The following SEC16B variants were observed in gnomAD, a reference collection of about 807,000 sequenced individuals.
SEC16B encodes protein transport protein Sec16B.
In SEC16B, 115 loss-of-function variants were observed where a neutral mutation model predicts 141.8. That is an observed-to-expected ratio of 0.81 (90% CI 0.70 to 0.95). SEC16B has a LOEUF of 0.95. Among genes scored for constraint, SEC16B ranks in the 40% least tolerant of loss-of-function variants. The pLI is 0.00. For missense variants in SEC16B, 1,291 were observed against 1,312.3 expected (o/e 0.98, Z 0.25); for synonymous variants, 493 against 492.5 (o/e 1.00, Z -0.01).
upstream of SEC16B, chr1:177,973,148 TA>T (rs1256150918): frequency 6.6e-6 from 1 of 152,244 alleles, no homozygotes; most frequent in Non-Finnish European, 1.5e-5. Context: ...ATGATGCTGC[TA>T]ATGTTTAGCC....
At chr1:177,943,091 G>T (rs1426677055) in intron 15 of SEC16B, among the ~76,000 whole-genome samples, 1 of 152,156 alleles carries the variant, frequency 6.6e-6, no homozygotes, top group Non-Finnish European at 1.5e-5. Flanking sequence ...CACAAGAAGA[G>T]TAATGCCACA....
At chr1:177,947,692 C>A (rs79690798) in intron 13 of SEC16B, 133 bp downstream of exon 13, 8 of 423,538 alleles carry the variant, frequency 1.9e-5, no homozygotes, top group African/African-American at 2.6e-5. Flanking sequence ...CTGACCTGGA[C>A]GGGGAGGGGA....
intron 17 of SEC16B, 147 bp downstream of exon 17, chr1:177,940,463 T>A: frequency 3.4e-6 from 2 of 580,710 alleles, no homozygotes; most frequent in South Asian, 2.2e-5. Flanking sequence ...AGACACCAAC[T>A]GTGCCTCATG....
rs1050528043 is a variant in SEC16B, at chr1:177,958,277, T to C, written c.1220A>G (p.Asn407Ser). 3 of 1,610,570 alleles carry C rather than the reference T, an allele frequency of 1.9e-6. No individual in the cohort carries two copies. The highest frequency in any genetic ancestry group is 2.7e-5 in the African/African-American group (2 of 74,948). ...EKYKRQPPVA[N>S]LINLTDEDWP... ...GTCCTCATCGGTCAGGTTGATGAGG[T>C]TGGCCACAGGGGGCTGCCGCTTGTA... The change falls in exon 10 of 26, where the codon AAC (asparagine) becomes AGC (serine). Residue 407 changes from asparagine (N) to serine (S), a missense_variant. By Grantham distance (46) the Asn-to-Ser change is conservative. Coordinates refer to ENST00000308284, the MANE Select transcript of SEC16B (RefSeq NM_033127.4).
intron 6 of SEC16B, chr1:177,961,241 T>C (rs779387132): frequency 5.0e-5 from 22 of 438,016 alleles, no homozygotes; most frequent in Non-Finnish European, 8.1e-5. Flanking sequence ...GCCTCTATAC[T>C]CATGACAAAG....
In SEC16B at chr1:177,933,252, CG is replaced by C; in HGVS notation, c.2784del (p.Ala929LeufsTer30). On this transcript the variant is annotated frameshift_variant, in exon 22 of 26. Coordinates refer to ENST00000308284, the MANE Select transcript of SEC16B (RefSeq NM_033127.4). LOFTEE classifies it high-confidence loss of function. ...FRSKPTKNAS[P>X]AGDEDSSDSP... is the part of the protein sequence containing the mutation. The stretch of plus-strand genomic sequence containing the variant: ...CTGTCTGAGGAGTCCTCGTCTCCAG[CG>C]GGGGATGCGTTCTTGGTGGGCTTCG... The C allele has an allele frequency of 1.3e-6, 2 of 1,595,832 alleles. No individual in the cohort carries two copies. The highest frequency in any genetic ancestry group is 1.7e-5 in the Admixed American group (1 of 57,542).
chr1:177,944,444 G>A, intron 15 of SEC16B, 117 bp downstream of exon 15: 1 of 751,246 alleles, frequency 1.3e-6, no homozygotes. Context: ...AGCTAATGAG[G>A]AAAAGTTCAG....
intron 5 of SEC16B, 29 bp from the exon 6 acceptor site, chr1:177,961,763 A>G (rs1653082762): frequency 6.2e-7 from 1 of 1,608,052 alleles, no homozygotes; most frequent in Non-Finnish European, 8.5e-7. Context: ...AACACACAGG[A>G]AGAAGTTTCA....
chr1:177,944,843 ACTT>A (rs1387632065), intron 14 of SEC16B, among the ~76,000 whole-genome samples, 177 bp from the exon 15 acceptor site: 2 of 151,702 alleles, frequency 1.3e-5, no homozygotes, highest in Non-Finnish European at 2.9e-5. Context: ...TGAGTGTTTC[ACTT>A]CCTCTCCCTC....
chr1:177,945,888 C>T, intron 14 of SEC16B: 1 of 177,244 alleles, frequency 5.6e-6, no homozygotes, highest in South Asian at 1.5e-4. Context: ...TGATTGAGGG[C>T]CTCCTGCAGG....
upstream of SEC16B, chr1:177,973,083 G>C (rs1654025234): frequency 1.3e-5 from 2 of 152,210 alleles, no homozygotes; most frequent in African/African-American, 4.8e-5. Context: ...AACCCAAACT[G>C]ACTAAGACAC....
At chr1:177,966,058 G>A (rs1653493253) in intron 2 of SEC16B, 53 bp from the exon 3 acceptor site, 2 of 1,120,262 alleles carry the variant, frequency 1.8e-6, no homozygotes, top group Non-Finnish European at 2.6e-6. Flanking sequence ...AGTAAAGAGA[G>A]AAACCAATGA....
In SEC16B at chr1:177,941,971, C is replaced by T. The variant is rs1251613455; in HGVS notation, c.1951G>A (p.Glu651Lys). The stretch of plus-strand genomic sequence containing the variant: ...CTCAAGACAGCTGCACCAATGGCTT[C>T]GCAGTAATGCAAAGCCTGGGACACG... Reference protein sequence around the residue: ...GLVSQALHYCEAIGAAVLSQG... With the variant: ...GLVSQALHYCKAIGAAVLSQG... Residue 651 changes from glutamate (E) to lysine (K), a missense_variant, in exon 16 of 26, where the codon GAA becomes AAA. By Grantham distance (56) the Glu-to-Lys change is moderately conservative. Coordinates refer to ENST00000308284, the MANE Select transcript of SEC16B (RefSeq NM_033127.4). 1.9e-6 allele frequency: 3 copies of T among 1,613,838 alleles called. No homozygotes were observed. Among genetic ancestry groups the T allele is most frequent in the Admixed American group, 1.7e-5 (1 of 60,024 alleles).
chr1:177,939,136 C>G (rs535491868), intron 18 of SEC16B, among the ~76,000 whole-genome samples: 6 of 152,182 alleles, frequency 3.9e-5, no homozygotes, highest in Admixed American at 3.3e-4. Context: ...TGGGAAGAGA[C>G]GGGGGCCCTT....
rs768891638 is a variant in SEC16B, at chr1:177,933,173, A to G, written c.2823+41T>C. The G allele has an allele frequency of 1.3e-5, 20 of 1,484,986 alleles. No homozygotes were observed. In the South Asian group the frequency reaches 2.3e-4, roughly 17 times the overall value. 92.0% of individuals were successfully genotyped at this position (1,484,986 alleles called of 1,614,324 possible). ...GTGCTGAGGCAGCTCCCTCTGAAAG[A>G]CCCACAGAGAGGGGCATCCTCCCCC... On this transcript the variant is annotated intron_variant, in intron 22 of 25. Coordinates refer to ENST00000308284, the MANE Select transcript of SEC16B (RefSeq NM_033127.4).
chr1:177,969,341 C>A (rs1653797807), intron 1 of SEC16B, among the ~76,000 whole-genome samples: 1 of 152,140 alleles, frequency 6.6e-6, no homozygotes, highest in South Asian at 2.1e-4. Context: ...GAGGGGGCCT[C>A]CCACCTCAAG....
At chr1:177,938,674 T>A (rs1216840645) in intron 18 of SEC16B, among the ~76,000 whole-genome samples, 1 of 152,300 alleles carries the variant, frequency 6.6e-6, no homozygotes, top group East Asian at 1.9e-4. Context: ...AGCCAGTGGG[T>A]TGGGAGGGCT....
intron 2 of SEC16B, 95 bp downstream of exon 2, chr1:177,967,588 G>A (rs1653635936): frequency 3.1e-6 from 4 of 1,283,372 alleles, no homozygotes; most frequent in Non-Finnish European, 3.2e-6. Context: ...AAGAAAAAAG[G>A]GGGAGAAAAA....
Position 177,958,289 on chromosome 1 carries a change from G to T in SEC16B, c.1208C>A (p.Pro403His), listed in dbSNP as rs202244918. Reference sequence around the variant, plus strand: ...CAGGTTGATGAGGTTGGCCACAGGGGGCTGCCGCTTGTACTTCTCCAGCTT... The same window carrying T: ...CAGGTTGATGAGGTTGGCCACAGGGTGCTGCCGCTTGTACTTCTCCAGCTT... ...CKKLEKYKRQ[P>H]PVANLINLTD... Residue 403 changes from proline (P) to histidine (H), a missense_variant, in exon 10 of 26, where the codon CCC becomes CAC. Transcript: ENST00000308284. 3 of 1,610,452 alleles carry T rather than the reference G, an allele frequency of 1.9e-6. No individual in the cohort carries two copies. Among genetic ancestry groups the T allele is most frequent in the Non-Finnish European group, 1.7e-6 (2 of 1,178,302 alleles).
Sources: gnomAD v4.1 joint callset for allele counts (sites outside exome capture counted in the v4.1 genomes callset) on GRCh38, gnomAD v4.1.1 for gene constraint, MANE v1.5 for transcripts, NCBI Gene and HGNC (gene_info 2026-07-23, HGNC 2026-07-21) for gene names.